The following GLI3 variants were observed in gnomAD, a reference collection of about 807,000 sequenced individuals.
The protein encoded by GLI3 is GLI family zinc finger 3.
In GLI3, 20 loss-of-function variants were observed where a neutral mutation model predicts 100.8. The ratio of observed to expected loss-of-function variants is 0.20; its 90% CI spans 0.14 to 0.29. The LOEUF (loss-of-function observed/expected upper bound fraction) is 0.29. GLI3 is among the 10% of genes least tolerant of loss of function. The probability of loss-of-function intolerance (pLI) is 1.00; values close to 1 mark genes in which losing one functional copy is unlikely to be tolerated. For synonymous variants in GLI3, 938 were observed against 860.5 expected, an observed-to-expected ratio of 1.09 and a Z score of -1.58; for missense variants, 2,040 against 2,128.5, an observed-to-expected ratio of 0.96 and a Z score of 0.82.
intron 2 of GLI3, among the ~76,000 whole-genome samples, chr7:42,165,785 A>T (rs1420419233): frequency 1.3e-5 from 2 of 152,214 alleles, no homozygotes; most frequent in Non-Finnish European, 2.9e-5. Context: ...GTATACTAAT[A>T]TTCTAAATAA....
In GLI3 at chr7:41,962,911, T is replaced by G. The variant is rs1329738893; in HGVS notation, c.*1419A>C. 4 of 152,192 alleles carry G rather than the reference T, an allele frequency of 2.6e-5. No homozygotes were observed. In the South Asian group the frequency reaches 6.2e-4, roughly 24 times the overall value. The allele number at this position is 152,192 out of a possible 1,614,324, so 9.4% of individuals were successfully genotyped here. A position where few individuals can be genotyped will look rare whatever the true frequency, so the allele number is the denominator to read the frequency against. ...TTTTTTAAAGCAATATGCTGGAAAATCCATGTACTCTTTGTGCACACACAG... is the reference window on the plus strand; with the variant it reads ...TTTTTTAAAGCAATATGCTGGAAAAGCCATGTACTCTTTGTGCACACACAG... On this transcript the variant is annotated 3_prime_UTR_variant, in exon 15 of 15. Coordinates refer to ENST00000395925, the MANE Select transcript of GLI3 (RefSeq NM_000168.6).
chr7:42,161,859 A>C (rs556934241), intron 2 of GLI3, among the ~76,000 whole-genome samples: 1 of 152,308 alleles, frequency 6.6e-6, no homozygotes, highest in East Asian at 1.9e-4. Flanking sequence ...ATTCTGAGGG[A>C]GTGTTTCCAC....
intron 3 of GLI3, among the ~76,000 whole-genome samples, chr7:42,102,279 C>T (rs1318315361): frequency 1.3e-5 from 2 of 152,146 alleles, no homozygotes; most frequent in Non-Finnish European, 2.9e-5. Context: ...ATCCATGAGC[C>T]TCACTGCCCA....
intron 2 of GLI3, among the ~76,000 whole-genome samples, chr7:42,148,881 G>T (rs973019514): frequency 6.6e-6 from 1 of 152,172 alleles, no homozygotes; most frequent in Non-Finnish European, 1.5e-5. Flanking sequence ...GCCTGGGGAC[G>T]CGGGGCCTCC....
upstream of GLI3, among the ~76,000 whole-genome samples, chr7:42,241,634 G>A (rs1788926452): frequency 6.6e-6 from 1 of 152,186 alleles, no homozygotes; most frequent in African/African-American, 2.4e-5. Context: ...CAGCACCCGC[G>A]TAACTTGTTC....
At chr7:42,118,881 G>GAACTCTTTCA (rs1271770460) in intron 3 of GLI3, among the ~76,000 whole-genome samples, 3 of 152,180 alleles carry the variant, frequency 2.0e-5, no homozygotes, top group Admixed American at 1.3e-4. Flanking sequence ...AAAGAGAAAC[G>GAACTCTTTCA]AACTCTTTCA....
chr7:42,194,727 T>C (rs983112797), intron 2 of GLI3, among the ~76,000 whole-genome samples: 1 of 150,328 alleles, frequency 6.7e-6, no homozygotes, highest in Non-Finnish European at 1.5e-5. Context: ...TAAACTAACA[T>C]GTCTCTAATG....
rs144475737 is a variant in GLI3 at position 42,207,218 on chromosome 7, C to T, written c.124+15912G>A. Among the ~76,000 whole-genome samples the T allele has an allele frequency of 3.7e-3, 568 of 152,320 alleles. 2 individuals are homozygous for T. Among genetic ancestry groups the T allele is most frequent in the African/African-American group, 0.013 (529 of 41,572 alleles). ...GATCCACCAAAAGACAGCTACCTGG[C>T]AGCCAATGTTCCTGACAGCCAAACC... On this transcript the variant is annotated intron_variant, in intron 2 of 14. Transcript: ENST00000395925.
At chr7:42,233,857 G>A (rs1240108251) in intron 1 of GLI3, among the ~76,000 whole-genome samples, 1 of 152,112 alleles carries the variant, frequency 6.6e-6, no homozygotes, top group African/African-American at 2.4e-5. Context: ...CATTATTAGA[G>A]TGGAACCTTT....
At chr7:42,109,676 C>T (rs1785659203) in intron 3 of GLI3, among the ~76,000 whole-genome samples, 1 of 152,152 alleles carries the variant, frequency 6.6e-6, no homozygotes, top group East Asian at 1.9e-4. Flanking sequence ...TGAAGCTAAC[C>T]TCTGGGACGA....
At position 42,113,627 on chromosome 7, in the gene GLI3, G is replaced by T; in HGVS notation, c.367+34599C>A. ...AGGTGCTGGAGATGCCAAGTGAAGT[G>T]TCTGCATTTTTGATAACTGTGTACT... is the stretch of plus-strand genomic sequence containing the variant. On this transcript the variant is annotated intron_variant, in intron 3 of 14. Transcript: ENST00000395925. 2 of 954,730 alleles carry T rather than the reference G, an allele frequency of 2.1e-6. 1 individual carries two copies. The highest frequency in any genetic ancestry group is 2.6e-5 in the South Asian group (2 of 78,368). 59.1% of individuals were successfully genotyped at this position (954,730 alleles called of 1,614,324 possible).
rs929387 is a variant in GLI3 at position 41,966,080 on chromosome 7, G to A, written c.2993C>T (p.Pro998Leu). 542,232 of 1,567,904 alleles carry A rather than the reference G, an allele frequency of 0.35. 102,269 individuals carry two copies. The highest frequency in any genetic ancestry group is 0.82 in the East Asian group (34,927 of 42,756). The change falls in exon 15 of 15, where the codon CCG becomes CTG. Residue 998 changes from proline (P) to leucine (L), a missense_variant. Pro to Leu is a moderately conservative substitution (Grantham distance 98). Coordinates refer to ENST00000395925, the MANE Select transcript of GLI3 (RefSeq NM_000168.6). This position sits in a 1 kb window ranked among gnomAD's most constrained non-coding sequence, Gnocchi z 5.8. ...GRRHLQPHDA[P>L]GHGVRRASDP... is the part of the protein sequence containing the mutation. ...GCTGGCCCTCCTCACGCCGTGGCCCGGCGCATCGTGCGGCTGCAGGTGGCG... is the reference window on the plus strand; with the variant it reads ...GCTGGCCCTCCTCACGCCGTGGCCCAGCGCATCGTGCGGCTGCAGGTGGCG...
intron 2 of GLI3, among the ~76,000 whole-genome samples, chr7:42,177,965 C>T (rs1359550385): frequency 6.6e-6 from 1 of 152,186 alleles, no homozygotes; most frequent in African/African-American, 2.4e-5. Flanking sequence ...GATCCTGGTG[C>T]ACCAAGGATG....
chr7:42,087,065 T>C (rs1319786200), intron 3 of GLI3, among the ~76,000 whole-genome samples: 1 of 151,876 alleles, frequency 6.6e-6, no homozygotes, highest in Non-Finnish European at 1.5e-5. Flanking sequence ...CACTTATCCG[T>C]GTATACCCAG....
chr7:42,203,850 T>G (rs1041780090), intron 2 of GLI3, among the ~76,000 whole-genome samples: 1 of 152,068 alleles, frequency 6.6e-6, no homozygotes, highest in African/African-American at 2.4e-5. Flanking sequence ...GATACAAAAG[T>G]TAGCTGGATG....
intron 3 of GLI3, among the ~76,000 whole-genome samples, chr7:42,145,763 G>A (rs1341134532): frequency 6.6e-6 from 1 of 152,138 alleles, no homozygotes; most frequent in Non-Finnish European, 1.5e-5. Context: ...AAAAAGAGGA[G>A]GAGAAGGAGG....
intron 2 of GLI3, among the ~76,000 whole-genome samples, chr7:42,162,221 T>A (rs1402243560): frequency 1.3e-5 from 2 of 152,094 alleles, no homozygotes; most frequent in Non-Finnish European, 2.9e-5. Flanking sequence ...AGGCTTACCT[T>A]TGTAGAGGAG....
intron 1 of GLI3, among the ~76,000 whole-genome samples, chr7:42,235,910 G>A (rs1418905257): frequency 6.6e-6 from 1 of 152,232 alleles, no homozygotes; most frequent in Non-Finnish European, 1.5e-5. Context: ...CTGTACCCAA[G>A]GCCAGAATCT....
chr7:42,246,129 CTTACCAA>C (rs1438162654), intron 1 of GLI3, among the ~76,000 whole-genome samples: 1 of 152,222 alleles, frequency 6.6e-6, no homozygotes, highest in African/African-American at 2.4e-5. Flanking sequence ...CAGCTCCTCC[CTTACCAA>C]CTTCCACCTC....
Sources: allele counts gnomAD v4.1 joint callset (sites outside exome capture counted in the v4.1 genomes callset), GRCh38; gene constraint gnomAD v4.1.1; non-coding constraint Gnocchi (gnomAD v3.1); transcripts MANE v1.5; gene names NCBI Gene and HGNC (gene_info 2026-07-23, HGNC 2026-07-21).